COL28A1: variants seen among roughly 807,000 people sequenced by gnomAD.
The protein encoded by COL28A1 is collagen alpha-1(XXVIII) chain.
In COL28A1, 161 loss-of-function variants were observed where a neutral mutation model predicts 150.2. That is an observed-to-expected ratio of 1.07 (90% CI 0.94 to 1.22). The LOEUF is 1.22. COL28A1 is among the 50% of genes most tolerant of loss of function. The pLI is 0.00. For synonymous variants in COL28A1, 552 were observed against 469.7 expected, an observed-to-expected ratio of 1.18 and a Z score of -2.26; for missense variants, 1,617 against 1,388.3, an observed-to-expected ratio of 1.16 and a Z score of -2.62.
In COL28A1 at chr7:7,381,563, T is replaced by C. The variant is rs376179370; in HGVS notation, c.2186A>G (p.His729Arg). ...GFPGPKGTMG[H>R]GLPGQKGEHG... ...ACTTACCTTCTGGCCTGGGAGGCCA[T>C]GGCCCATTGTGCCCTTTGGGCCTGG... The change falls in exon 28 of 35, where the codon CAT becomes CGT. Residue 729 changes from histidine to arginine, a missense_variant. Physicochemically the swap from His to Arg is conservative, Grantham distance 29. Transcript: ENST00000399429. 16 of 1,613,812 alleles carry C rather than the reference T, an allele frequency of 9.9e-6. No homozygotes were observed. In the African/African-American group the frequency reaches 2.0e-4, roughly 20 times the overall value.
chr7:7,414,057 T>A (rs1316124459), intron 27 of COL28A1, among the ~76,000 whole-genome samples: 5 of 152,150 alleles, frequency 3.3e-5, no homozygotes, highest in Non-Finnish European at 5.9e-5. Flanking sequence ...GAAACTGGCA[T>A]AACTCCCAAT....
chr7:7,393,511 G>T (rs1486317925), intron 27 of COL28A1, among the ~76,000 whole-genome samples: 1 of 152,354 alleles, frequency 6.6e-6, no homozygotes. Context: ...TCTCTTCAAA[G>T]CCAGCAGGCA....
At chr7:7,399,524 T>C (rs1320423155) in intron 27 of COL28A1, among the ~76,000 whole-genome samples, 1 of 152,152 alleles carries the variant, frequency 6.6e-6, no homozygotes, top group East Asian at 1.9e-4. Context: ...TGGCCATCTT[T>C]TTGGTAGAAG....
chr7:7,437,119 T>A (rs775186944), intron 22 of COL28A1, among the ~76,000 whole-genome samples: 3 of 152,210 alleles, frequency 2.0e-5, no homozygotes, highest in Admixed American at 6.5e-5. Flanking sequence ...TTCTTCTGAA[T>A]AAATGTTCTA....
At chr7:7,521,235 G>A (rs1222388339) in intron 5 of COL28A1, among the ~76,000 whole-genome samples, 1 of 152,194 alleles carries the variant, frequency 6.6e-6, no homozygotes, top group African/African-American at 2.4e-5. Flanking sequence ...AAAATGCTCA[G>A]CATTTCCAGT....
intron 21 of COL28A1, among the ~76,000 whole-genome samples, chr7:7,437,982 C>A (rs1334603700): frequency 6.9e-6 from 1 of 144,578 alleles, no homozygotes; most frequent in South Asian, 2.2e-4. Flanking sequence ...CACCTGTAAT[C>A]CCAGCCTTTG....
chr7:7,379,168 C>A (rs1430420150), intron 30 of COL28A1, among the ~76,000 whole-genome samples: 1 of 152,154 alleles, frequency 6.6e-6, no homozygotes, highest in Admixed American at 6.5e-5. Context: ...GACGAGGGTT[C>A]CAGAGCGGGG....
At chr7:7,456,216 A>C (rs1787157961) in intron 15 of COL28A1, 104 bp from the exon 16 acceptor site, 1 of 1,372,334 alleles carries the variant, frequency 7.3e-7, no homozygotes, top group South Asian at 1.7e-5. Flanking sequence ...TCTTTATACT[A>C]TAAAAAAAAT....
intron 13 of COL28A1, among the ~76,000 whole-genome samples, chr7:7,481,535 C>A (rs1174185976): frequency 6.6e-6 from 1 of 152,258 alleles, no homozygotes; most frequent in East Asian, 1.9e-4. Flanking sequence ...CTTTCTAAGG[C>A]CATGAGAACC....
rs138660801 is a variant in COL28A1 at position 7,407,490 on chromosome 7, T to C, written c.2136+10369A>G. On this transcript the variant is annotated intron_variant, in intron 27 of 34. Coordinates refer to ENST00000399429, the MANE Select transcript of COL28A1 (RefSeq NM_001037763.3). ...ACTGTGAAAGGAATAGACTGACAGA[T>C]AACTTCTCGAGAGCGATAATGGAGA... is the stretch of plus-strand genomic sequence containing the variant. 1.1e-3 allele frequency among the ~76,000 whole-genome samples: 175 copies of C among 152,196 alleles called. 1 individual carries two copies. The East Asian group carries it at 0.031, about 27-fold the overall frequency.
chr7:7,473,888 T>C (rs1788646862), intron 15 of COL28A1, among the ~76,000 whole-genome samples: 1 of 150,914 alleles, frequency 6.6e-6, no homozygotes, highest in Admixed American at 6.6e-5. Flanking sequence ...ATAGTGTGTG[T>C]TTGTTTACAT....
chr7:7,375,039 T>G (rs895404036), intron 31 of COL28A1, among the ~76,000 whole-genome samples: 3 of 152,194 alleles, frequency 2.0e-5, no homozygotes, highest in African/African-American at 7.2e-5. Context: ...AAAACTCTAC[T>G]CAGAAAGAAT....
At chr7:7,364,556 A>G (rs897986862) in intron 33 of COL28A1, among the ~76,000 whole-genome samples, 2 of 152,220 alleles carry the variant, frequency 1.3e-5, no homozygotes, top group African/African-American at 4.8e-5. Context: ...AAGATGCTAT[A>G]TAAGACCAAG....
the COL28A1 span, among the ~76,000 whole-genome samples, chr7:7,341,007 G>C: frequency 6.6e-6 from 1 of 152,118 alleles, no homozygotes; most frequent in Non-Finnish European, 1.5e-5. Flanking sequence ...ACCACATTCT[G>C]TACTTACCCA....
chr7:7,383,701 T>C lies in COL28A1; in HGVS notation c.2137-2089A>G, dbSNP rs940534057. On this transcript the variant is annotated intron_variant, in intron 27 of 34. Coordinates refer to ENST00000399429, the MANE Select transcript of COL28A1 (RefSeq NM_001037763.3). ...GTGTGTGTATATATATATATATATA[T>C]ATGTATATGAGATTCTAATTTGTTG... is the stretch of plus-strand genomic sequence containing the variant. 1.2e-4 allele frequency among the ~76,000 whole-genome samples: 18 copies of C among 145,330 alleles called. 1 individual carries two copies. The highest frequency in any genetic ancestry group is 4.5e-4 in the African/African-American group (18 of 39,596).
chr7:7,436,267 T>G, intron 23 of COL28A1, 128 bp downstream of exon 23: 1 of 683,078 alleles, frequency 1.5e-6, no homozygotes, highest in Non-Finnish European at 2.6e-6. Context: ...AAAAAGGGAA[T>G]AGCTATATTC....
intron 33 of COL28A1, among the ~76,000 whole-genome samples, chr7:7,369,668 G>C (rs6463687): frequency 0.61 from 92,439 of 152,146 alleles, 31,885 homozygotes; most frequent in East Asian, 0.88. Flanking sequence ...CGAGAATCTA[G>C]TGAGTTCTAT....
intron 4 of COL28A1, among the ~76,000 whole-genome samples, chr7:7,523,899 G>A (rs1583568251): frequency 6.6e-6 from 1 of 152,282 alleles, no homozygotes; most frequent in Non-Finnish European, 1.5e-5. Context: ...CCAAAATAGA[G>A]GACCTGATGT....
chr7:7,535,357 C>T (rs1428255298), intron 1 of COL28A1, among the ~76,000 whole-genome samples: 1 of 152,062 alleles, frequency 6.6e-6, no homozygotes, highest in African/African-American at 2.4e-5. Flanking sequence ...ATGTTTGCAT[C>T]TCAGTTTCTA....
Sources: allele counts gnomAD v4.1 joint callset (sites outside exome capture counted in the v4.1 genomes callset), GRCh38; gene constraint gnomAD v4.1.1; transcripts MANE v1.5; gene names NCBI Gene and HGNC (gene_info 2026-07-23, HGNC 2026-07-21).